The following NFIB variants were observed in gnomAD, a reference collection of about 807,000 sequenced individuals.
NFIB encodes nuclear factor I B, also known as nuclear factor 1 B-type.
In NFIB, 11 loss-of-function variants were observed where a neutral mutation model predicts 61.5. The ratio of observed to expected loss-of-function variants is 0.18; its 90% CI spans 0.11 to 0.30. NFIB has a LOEUF of 0.30. Ranked by LOEUF, NFIB falls within the 10% of genes least tolerant of loss-of-function variation. The pLI is 1.00. For synonymous variants in NFIB, 260 were observed against 216.5 expected (o/e 1.20, Z -1.76); for missense variants, 471 against 608.9 (o/e 0.77, Z 2.38).
At chr9:14,469,364 G>C in the NFIB span, among the ~76,000 whole-genome samples, 1 of 152,196 alleles carries the variant, frequency 6.6e-6, no homozygotes, top group African/African-American at 2.4e-5. Context: ...CCACACACTT[G>C]TTGATGTATA....
At chr9:14,483,436 T>C in the NFIB span, among the ~76,000 whole-genome samples, 7 of 152,182 alleles carry the variant, frequency 4.6e-5, no homozygotes, top group African/African-American at 1.4e-4. Context: ...ACAAAGCTTA[T>C]TAACTCTGGC....
intron 2 of NFIB, among the ~76,000 whole-genome samples, chr9:14,247,968 T>G (rs1434851065): frequency 6.7e-6 from 1 of 149,340 alleles, no homozygotes; most frequent in African/African-American, 2.5e-5. Flanking sequence ...GGTCTCTCCC[T>G]GTCACCCAGG....
At chr9:14,195,367 T>C (rs915353650) in intron 2 of NFIB, among the ~76,000 whole-genome samples, 1 of 152,172 alleles carries the variant, frequency 6.6e-6, no homozygotes, top group Non-Finnish European at 1.5e-5. Flanking sequence ...ATTGACAAAA[T>C]ATTGTATTTT....
At chr9:14,109,299 C>G (rs1403329574) in intron 10 of NFIB, among the ~76,000 whole-genome samples, 2 of 151,972 alleles carry the variant, frequency 1.3e-5, no homozygotes, top group African/African-American at 4.8e-5. Flanking sequence ...AACGTGGTTC[C>G]TTCATTGCCT....
chr9:14,231,134 AAATATATATATATATATATATAT>A (rs1448369992), intron 2 of NFIB, among the ~76,000 whole-genome samples: 1 of 73,984 alleles, frequency 1.4e-5, no homozygotes, highest in African/African-American at 6.4e-5. Flanking sequence ...AAAAAAAAAA[AAATATATATATATATATATATAT>A]ATATATATAT....
At chr9:14,199,606 G>A (rs900158654) in intron 2 of NFIB, among the ~76,000 whole-genome samples, 2 of 152,204 alleles carry the variant, frequency 1.3e-5, no homozygotes, top group Non-Finnish European at 2.9e-5. Context: ...ATGTGTTGGA[G>A]TCTCATTATG....
intron 2 of NFIB, among the ~76,000 whole-genome samples, chr9:14,289,189 A>G (rs1463186442): frequency 6.8e-6 from 1 of 146,774 alleles, no homozygotes; most frequent in Admixed American, 6.9e-5. Flanking sequence ...ACCAAAATAT[A>G]TAATATATAC....
chr9:14,486,754 C>A, the NFIB span, among the ~76,000 whole-genome samples: 2 of 152,036 alleles, frequency 1.3e-5, no homozygotes, highest in East Asian at 3.9e-4. Context: ...AGACAGACCA[C>A]AAAATATTAA....
intron 2 of NFIB, among the ~76,000 whole-genome samples, chr9:14,267,074 T>G (rs894513128): frequency 2.0e-5 from 3 of 152,222 alleles, no homozygotes; most frequent in Non-Finnish European, 4.4e-5. Context: ...GCATACACAG[T>G]TCTCATCATA....
intron 3 of NFIB, among the ~76,000 whole-genome samples, chr9:14,173,228 A>G (rs902774652): frequency 6.6e-6 from 1 of 152,142 alleles, no homozygotes; most frequent in Admixed American, 6.5e-5. Context: ...TGACTGCACA[A>G]AGCGGTTGGC....
At chr9:14,207,090 C>T (rs145089459) in intron 2 of NFIB, among the ~76,000 whole-genome samples, 15 of 152,128 alleles carry the variant, frequency 9.9e-5, no homozygotes, top group Admixed American at 5.9e-4. Flanking sequence ...CTCAATATTA[C>T]GGTATCCATA....
At chr9:14,111,066 G>A (rs1376387770) in intron 10 of NFIB, among the ~76,000 whole-genome samples, 2 of 152,028 alleles carry the variant, frequency 1.3e-5, no homozygotes, top group Non-Finnish European at 2.9e-5. Context: ...CACATTGTAA[G>A]TGGTCTCGAT....
intron 2 of NFIB, among the ~76,000 whole-genome samples, chr9:14,211,488 T>A (rs1469204127): frequency 6.6e-6 from 1 of 152,034 alleles, no homozygotes; most frequent in Non-Finnish European, 1.5e-5. Context: ...TGCTGAAAAA[T>A]AATGAGAATA....
chr9:14,247,671 G>A (rs2055086900), intron 2 of NFIB, among the ~76,000 whole-genome samples: 1 of 152,172 alleles, frequency 6.6e-6, no homozygotes, highest in South Asian at 2.1e-4. Flanking sequence ...ATTAAAGCAA[G>A]ATTTTAATAC....
the NFIB span, among the ~76,000 whole-genome samples, chr9:14,433,862 T>C: frequency 6.6e-6 from 1 of 152,318 alleles, no homozygotes; most frequent in East Asian, 1.9e-4. Context: ...CATGATTGCA[T>C]GTCTGGTTGC....
the NFIB span, among the ~76,000 whole-genome samples, chr9:14,510,995 T>G: frequency 1.1e-4 from 16 of 152,230 alleles, no homozygotes; most frequent in Non-Finnish European, 1.8e-4. Flanking sequence ...TAACCAAATT[T>G]GTGTCCCACA....
chr9:14,315,576 G>A (rs1420556567), upstream of NFIB, among the ~76,000 whole-genome samples: 1 of 144,470 alleles, frequency 6.9e-6, no homozygotes, highest in East Asian at 2.1e-4. Context: ...CGCCGCTGCA[G>A]CCCTCCAGAG....
At chr9:14,166,197 T>C (rs1277978027) in intron 3 of NFIB, among the ~76,000 whole-genome samples, 2 of 152,196 alleles carry the variant, frequency 1.3e-5, no homozygotes, top group African/African-American at 2.4e-5. Context: ...TCTATCTATA[T>C]TTTTATTCAT....
At chr9:14,281,662 A>G (rs2058376240) in intron 2 of NFIB, among the ~76,000 whole-genome samples, 1 of 152,194 alleles carries the variant, frequency 6.6e-6, no homozygotes, top group East Asian at 1.9e-4. Context: ...TGAACATACC[A>G]ACTCCATATA....
Sources: gnomAD v4.1 joint callset for allele counts (sites outside exome capture counted in the v4.1 genomes callset) on GRCh38, gnomAD v4.1.1 for gene constraint, MANE v1.5 for transcripts, NCBI Gene and HGNC (gene_info 2026-07-23, HGNC 2026-07-21) for gene names.